Variants in SH3BGRL2 observed in about 807,000 individuals in gnomAD.
SH3BGRL2 encodes SH3 domain binding glutamate rich protein like 2.
SH3BGRL2 carries 21 observed loss-of-function variants against 14.8 expected under a neutral mutation model. The observed-to-expected ratio is 1.42, with a 90% CI of 1.01 to 2.05. The LOEUF (loss-of-function observed/expected upper bound fraction) is 2.05, where lower values mean the gene tolerates loss of function less well. SH3BGRL2 is among the 30% of genes most tolerant of loss of function. SH3BGRL2 has a pLI of 0.00. For synonymous variants in SH3BGRL2, 50 were observed against 47.8 expected, an observed-to-expected ratio of 1.05 and a Z score of -0.19; for missense variants, 147 against 130.8, an observed-to-expected ratio of 1.12 and a Z score of -0.61.
the SH3BGRL2 span, among the ~76,000 whole-genome samples, chr6:79,541,578 A>G: frequency 1.3e-5 from 2 of 152,246 alleles, no homozygotes; most frequent in South Asian, 4.1e-4. Context: ...TGGAAAAAGA[A>G]TATCTCTTTC....
intron 2 of SH3BGRL2, among the ~76,000 whole-genome samples, chr6:79,693,664 T>C (rs888629651): frequency 6.6e-6 from 1 of 152,240 alleles, no homozygotes; most frequent in Non-Finnish European, 1.5e-5. Context: ...TTACATTTAT[T>C]GATTTGCATA....
intron 1 of SH3BGRL2, among the ~76,000 whole-genome samples, chr6:79,632,770 T>C (rs1403953828): frequency 6.6e-6 from 1 of 152,234 alleles, no homozygotes; most frequent in Admixed American, 6.5e-5. Context: ...TTTGGGTTGC[T>C]TAGTCATGCC....
the SH3BGRL2 span, among the ~76,000 whole-genome samples, chr6:79,578,178 C>T: frequency 1.3e-5 from 2 of 152,266 alleles, no homozygotes; most frequent in African/African-American, 4.8e-5. Context: ...TAGACTGCAC[C>T]TCTGTGGGCA....
chr6:79,633,922 G>A lies in SH3BGRL2; in HGVS notation c.45+2416G>A, dbSNP rs146566558. ...GCATTAAGCTATATTAAGCTTTAGTGGCGTAGCCATGATGTGTTCCCTCCA... is the reference window on the plus strand; with the variant it reads ...GCATTAAGCTATATTAAGCTTTAGTAGCGTAGCCATGATGTGTTCCCTCCA... On this transcript the variant is annotated intron_variant, in intron 1 of 3. Coordinates refer to ENST00000369838, the MANE Select transcript of SH3BGRL2 (RefSeq NM_031469.4). Among the ~76,000 whole-genome samples the A allele has an allele frequency of 8.5e-3, 1,288 of 152,284 alleles. 20 individuals are homozygous for A. Among genetic ancestry groups the A allele is most frequent in the African/African-American group, 0.029 (1,200 of 41,546 alleles).
the SH3BGRL2 span, among the ~76,000 whole-genome samples, chr6:79,586,740 C>T: frequency 6.6e-6 from 1 of 152,160 alleles, no homozygotes; most frequent in East Asian, 1.9e-4. Flanking sequence ...GCCTGGAAGC[C>T]TCAAAAGGAA....
intron 1 of SH3BGRL2, among the ~76,000 whole-genome samples, chr6:79,653,134 C>T (rs528239674): frequency 6.6e-6 from 1 of 152,262 alleles, no homozygotes; most frequent in Admixed American, 6.5e-5. Context: ...GTCAAAGAGA[C>T]TCCTATATCT....
At chr6:79,596,154 T>C in the SH3BGRL2 span, among the ~76,000 whole-genome samples, 85 of 152,326 alleles carry the variant, frequency 5.6e-4, no homozygotes, top group African/African-American at 2.0e-3. Flanking sequence ...TTACAAAACC[T>C]TCTGGGTTTT....
Position 79,673,719 on chromosome 6 carries a change from A to G in SH3BGRL2, c.151A>G (p.Lys51Glu). 6.2e-7 allele frequency: 1 copy of G among 1,614,184 alleles called. No individual in the cohort carries two copies. The highest frequency in any genetic ancestry group is 8.5e-7 in the Non-Finnish European group (1 of 1,180,024). ...AGAAGAACAGAGGCAATGGATGTAC[A>G]AAAACGTCCCCCCGGAAAAGAAACC... ...MSEEQRQWMY[K>E]NVPPEKKPTQ... The change falls in exon 2 of 4, where the codon AAA becomes GAA. Residue 51 changes from lysine (K) to glutamate (E), a missense_variant. Physicochemically the swap from Lys to Glu is moderately conservative, Grantham distance 56 (BLOSUM62 1). Coordinates refer to ENST00000369838, the MANE Select transcript of SH3BGRL2 (RefSeq NM_031469.4).
the SH3BGRL2 span, among the ~76,000 whole-genome samples, chr6:79,563,873 G>T: frequency 6.6e-6 from 1 of 152,184 alleles, no homozygotes; most frequent in Non-Finnish European, 1.5e-5. Flanking sequence ...AAAAATTTGT[G>T]TCTGTAAATG....
chr6:79,682,957 A>G (rs1472991979), intron 2 of SH3BGRL2, among the ~76,000 whole-genome samples: 1 of 152,172 alleles, frequency 6.6e-6, no homozygotes, highest in East Asian at 1.9e-4. Context: ...AGGACAGAAA[A>G]CCGAACACTG....
At chr6:79,696,448 T>G (rs1190628486) in intron 2 of SH3BGRL2, 37 bp from the exon 3 acceptor site, 11 of 1,429,500 alleles carry the variant, frequency 7.7e-6, no homozygotes, top group Non-Finnish European at 7.7e-6. Context: ...AATTGTTTGC[T>G]TTTGTTGGTT....
chr6:79,601,476 G>A, the SH3BGRL2 span, among the ~76,000 whole-genome samples: 5 of 152,326 alleles, frequency 3.3e-5, no homozygotes, highest in South Asian at 6.2e-4. Context: ...GATTACAGGC[G>A]TGAGCAACCT....
intron 1 of SH3BGRL2, among the ~76,000 whole-genome samples, chr6:79,654,320 G>T (rs1769361821): frequency 6.6e-6 from 1 of 152,134 alleles, no homozygotes; most frequent in African/African-American, 2.4e-5. Flanking sequence ...TTTTGCTAAA[G>T]ATCAAGTGAA....
At chr6:79,667,727 G>A (rs530148246) in intron 1 of SH3BGRL2, among the ~76,000 whole-genome samples, 179 of 152,264 alleles carry the variant, frequency 1.2e-3, no homozygotes, top group Middle Eastern at 3.4e-3. Flanking sequence ...GATTACAGGC[G>A]TGAGCCACCG....
At chr6:79,588,399 A>G in the SH3BGRL2 span, among the ~76,000 whole-genome samples, 1 of 151,822 alleles carries the variant, frequency 6.6e-6, no homozygotes, top group African/African-American at 2.4e-5. Flanking sequence ...GTTGGTATGG[A>G]TTCATCTTGC....
rs371372928 is a variant in SH3BGRL2 at position 79,646,357 on chromosome 6, A to G, written c.45+14851A>G. ...CTAGTTCAAGTCTACATTGCTTCCA[A>G]GCTCAGGATCCATTGTCCTAATACT... On this transcript the variant is annotated intron_variant, in intron 1 of 3. Transcript: ENST00000369838. Among the ~76,000 whole-genome samples the G allele has an allele frequency of 5.9e-5, 9 of 152,338 alleles. No individual in the cohort carries two copies. The East Asian group carries it at 1.4e-3, about 23-fold the overall frequency.
intron 2 of SH3BGRL2, among the ~76,000 whole-genome samples, chr6:79,689,808 A>G (rs1444178230): frequency 6.6e-6 from 1 of 152,144 alleles, no homozygotes; most frequent in Non-Finnish European, 1.5e-5. Context: ...GTCTCATTGT[A>G]CCTTGCCTTT....
At chr6:79,691,114 A>G (rs961550274) in intron 2 of SH3BGRL2, among the ~76,000 whole-genome samples, 1 of 152,110 alleles carries the variant, frequency 6.6e-6, no homozygotes, top group African/African-American at 2.4e-5. Flanking sequence ...TGAACACACC[A>G]TTACACTCCA....
chr6:79,617,240 A>C, the SH3BGRL2 span, among the ~76,000 whole-genome samples: 11 of 152,290 alleles, frequency 7.2e-5, no homozygotes, highest in African/African-American at 2.6e-4. Flanking sequence ...AAACACTTTC[A>C]TTCAATGATT....
Sources: allele counts gnomAD v4.1 joint callset (sites outside exome capture counted in the v4.1 genomes callset), GRCh38; gene constraint gnomAD v4.1.1; transcripts MANE v1.5; gene names NCBI Gene and HGNC (gene_info 2026-07-23, HGNC 2026-07-21).